ZNRF2: variants seen among roughly 807,000 people sequenced by gnomAD.
The protein encoded by ZNRF2 is E3 ubiquitin-protein ligase ZNRF2.
Under a neutral mutation model 20.4 loss-of-function variants are expected in ZNRF2, and 16 were observed. The observed-to-expected ratio is 0.79, with a 90% confidence interval of 0.53 to 1.19. ZNRF2 has a LOEUF of 1.19. ZNRF2 is among the 50% of genes most tolerant of loss of function. ZNRF2 has a pLI of 0.00. For missense variants in ZNRF2, 363 were observed against 332.4 expected (o/e 1.09, Z -0.72); for synonymous variants, 178 against 144.9 (o/e 1.23, Z -1.64).
chr7:30,329,831 ATTGCTGG>A (rs1799609949), intron 2 of ZNRF2, among the ~76,000 whole-genome samples: 2 of 152,144 alleles, frequency 1.3e-5, no homozygotes, highest in East Asian at 3.8e-4. Context: ...CAGTAACAGG[ATTGCTGG>A]ATCATATGGT....
intron 2 of ZNRF2, among the ~76,000 whole-genome samples, chr7:30,338,067 T>C (rs1248101412): frequency 6.6e-6 from 1 of 152,186 alleles, no homozygotes; most frequent in Non-Finnish European, 1.5e-5. Flanking sequence ...TTCTTTACAA[T>C]TGCCTTATAT....
At chr7:30,365,479 TGAA>T (rs1274778737) in intron 4 of ZNRF2, among the ~76,000 whole-genome samples, 2 of 152,196 alleles carry the variant, frequency 1.3e-5, no homozygotes, top group African/African-American at 4.8e-5. Context: ...CTGTGGGTCT[TGAA>T]GAGTCATTTT....
chr7:30,355,796 A>G lies in ZNRF2; in HGVS notation c.634A>G (p.Ile212Val). The G allele has an allele frequency of 1.2e-6, 2 of 1,613,640 alleles. No individual in the cohort carries two copies. Among genetic ancestry groups the G allele is most frequent in the Non-Finnish European group, 1.7e-6 (2 of 1,179,724 alleles). Reference sequence around the variant, plus strand: ...TGAAGAATTGCAGCAGGGAGATACTATAGCACGACTGCCTTGTCTATGCAT... The same window carrying G: ...TGAAGAATTGCAGCAGGGAGATACTGTAGCACGACTGCCTTGTCTATGCAT... ...CLEELQQGDTIARLPCLCIYH... is the reference protein window; with the variant it reads ...CLEELQQGDTVARLPCLCIYH... The change falls in exon 3 of 5, where the codon ATA becomes GTA. Residue 212 changes from isoleucine (I) to valine (V), a missense_variant. Transcript: ENST00000323037.
chr7:30,325,191 A>C lies in ZNRF2; in HGVS notation c.565+1454A>C, dbSNP rs1334941792. On this transcript the variant is annotated intron_variant, in intron 2 of 4. Transcript: ENST00000323037. ...AATAGAATAAAATGAAGGAAAAATG[A>C]AAGTTGTTTTCAAAATTTTATAAAG... Among the ~76,000 whole-genome samples the C allele has an allele frequency of 2.6e-5, 4 of 152,334 alleles. No individual in the cohort carries two copies. The East Asian group carries it at 7.7e-4, about 29-fold the overall frequency.
chr7:30,318,782 T>C (rs1251720933), intron 1 of ZNRF2, among the ~76,000 whole-genome samples: 3 of 152,224 alleles, frequency 2.0e-5, no homozygotes, highest in Non-Finnish European at 4.4e-5. Context: ...ACAGAAAGTT[T>C]TTCTTAATAG....
chr7:30,322,830 C>G (rs1799494379), intron 1 of ZNRF2, among the ~76,000 whole-genome samples: 1 of 152,104 alleles, frequency 6.6e-6, no homozygotes, highest in Non-Finnish European at 1.5e-5. Flanking sequence ...TATCTGAGGA[C>G]TGTCTTAGCA....
chr7:30,316,881 A>G (rs1235211708), intron 1 of ZNRF2, among the ~76,000 whole-genome samples: 1 of 152,192 alleles, frequency 6.6e-6, no homozygotes, highest in African/African-American at 2.4e-5. Context: ...CTCAGAACAG[A>G]TCCTACCAGT....
chr7:30,284,888 C>A lies in ZNRF2; in HGVS notation c.-470C>A, dbSNP rs978864143. On this transcript the variant is annotated 5_prime_UTR_variant, in exon 1 of 5. Coordinates refer to ENST00000323037, the MANE Select transcript of ZNRF2 (RefSeq NM_147128.4). ...GAAGGTGGCCCCGGCGGAGTCTGGG[C>A]GGGCGCCTCCCACTCAGCCGCCAGC... The A allele has an allele frequency of 8.4e-6, 2 of 237,630 alleles. No homozygotes were observed. The highest frequency in any genetic ancestry group is 8.7e-6 in the Non-Finnish European group (1 of 115,406). The allele number at this position is 237,630 out of a possible 1,614,324, so 14.7% of individuals were successfully genotyped here.
At chr7:30,338,291 A>G (rs1430115633) in intron 2 of ZNRF2, among the ~76,000 whole-genome samples, 1 of 146,338 alleles carries the variant, frequency 6.8e-6, no homozygotes, top group East Asian at 2.0e-4. Flanking sequence ...TTTTTTTTTT[A>G]ATTTAAGTTC....
rs538209154 is a variant in ZNRF2, at chr7:30,349,732, T to C, written c.566-5996T>C. 3.1e-4 allele frequency among the ~76,000 whole-genome samples: 47 copies of C among 152,280 alleles called. 1 individual carries two copies. In the South Asian group the frequency reaches 9.8e-3, roughly 32 times the overall value. ...AAATCAGATAAAGATATTAGCTTTG[T>C]TGTGTTTTCAGGACTGGTGCTTTTC... On this transcript the variant is annotated intron_variant, in intron 2 of 4. Transcript: ENST00000323037.
intron 2 of ZNRF2, among the ~76,000 whole-genome samples, chr7:30,341,531 A>C (rs779685246): frequency 6.6e-5 from 10 of 151,518 alleles, no homozygotes; most frequent in Admixed American, 1.3e-4. Context: ...TTCAGTTTCC[A>C]TGTAGTTGTG....
intron 2 of ZNRF2, among the ~76,000 whole-genome samples, chr7:30,347,602 A>G (rs912290365): frequency 6.6e-6 from 1 of 152,100 alleles, no homozygotes. Context: ...AGTCTCATCT[A>G]CTCTGGAGGC....
intron 2 of ZNRF2, among the ~76,000 whole-genome samples, chr7:30,338,290 T>C (rs77956821): frequency 6.6e-6 from 1 of 151,300 alleles, no homozygotes; most frequent in African/African-American, 2.4e-5. Context: ...TTTTTTTTTT[T>C]AATTTAAGTT....
chr7:30,284,983 G>A lies in ZNRF2; in HGVS notation c.-375G>A, dbSNP rs968690071. 2 of 339,692 alleles carry A rather than the reference G, an allele frequency of 5.9e-6. No homozygotes were observed. Among genetic ancestry groups the A allele is most frequent in the Non-Finnish European group, 5.9e-6 (1 of 170,628 alleles). 21.0% of individuals were successfully genotyped at this position (339,692 alleles called of 1,614,324 possible). ...AGAGGAGGCGGTGCCGAGATCGGGG[G>A]CGCCGAGCGCGGCAGCAGAGAGCGG... On this transcript the variant is annotated 5_prime_UTR_variant, in exon 1 of 5. Transcript: ENST00000323037.
At chr7:30,365,011 G>A (rs1045598189) in intron 4 of ZNRF2, among the ~76,000 whole-genome samples, 1 of 152,076 alleles carries the variant, frequency 6.6e-6, no homozygotes, top group African/African-American at 2.4e-5. Context: ...GATACTAACT[G>A]CATTCATGTG....
chr7:30,344,495 T>A (rs1583591712), intron 2 of ZNRF2, among the ~76,000 whole-genome samples: 1 of 152,090 alleles, frequency 6.6e-6, no homozygotes, highest in African/African-American at 2.4e-5. Context: ...TACTATTAAG[T>A]TTTTTTTGTA....
chr7:30,335,795 T>C lies in ZNRF2; in HGVS notation c.565+12058T>C, dbSNP rs572680461. On this transcript the variant is annotated intron_variant, in intron 2 of 4. Coordinates refer to ENST00000323037, the MANE Select transcript of ZNRF2 (RefSeq NM_147128.4). The stretch of plus-strand genomic sequence containing the variant: ...ACTTGGAATATTTATCTTATATTAG[T>C]ATGCAAAAGTATTTGTAAGGAAAAG... Among the ~76,000 whole-genome samples, 172 of 152,254 alleles carry C rather than the reference T, an allele frequency of 1.1e-3. 1 individual carries two copies. The highest frequency in any genetic ancestry group is 3.9e-3 in the African/African-American group (164 of 41,542).
At chr7:30,350,759 A>G (rs1315879731) in intron 2 of ZNRF2, among the ~76,000 whole-genome samples, 2 of 151,968 alleles carry the variant, frequency 1.3e-5, no homozygotes, top group Admixed American at 1.3e-4. Flanking sequence ...TGATTTTTCT[A>G]GGGATTATTT....
At chr7:30,349,877 G>A (rs1278713704) in intron 2 of ZNRF2, among the ~76,000 whole-genome samples, 1 of 151,906 alleles carries the variant, frequency 6.6e-6, no homozygotes, top group East Asian at 1.9e-4. Context: ...ACTCATTTAG[G>A]AAAATATTTG....
Sources: allele counts gnomAD v4.1 joint callset (sites outside exome capture counted in the v4.1 genomes callset), GRCh38; gene constraint gnomAD v4.1.1; transcripts MANE v1.5; gene names NCBI Gene and HGNC (gene_info 2026-07-23, HGNC 2026-07-21).